Variants in BBC3 observed in about 807,000 individuals in gnomAD.
BBC3 encodes the protein bcl-2-binding component 3.
A neutral mutation model predicts 18.2 loss-of-function variants in BBC3; 5 were observed. That is an observed-to-expected ratio of 0.27 (90% CI 0.14 to 0.58). The LOEUF is 0.58. BBC3 is among the 20% of genes least tolerant of loss of function. BBC3 has a pLI of 0.91. For missense variants in BBC3, 224 were observed against 268.9 expected, an observed-to-expected ratio of 0.83 and a Z score of 1.17; for synonymous variants, 119 against 128.0, an observed-to-expected ratio of 0.93 and a Z score of 0.47.
upstream of BBC3, among the ~76,000 whole-genome samples, chr19:47,232,229 T>C (rs1034233064): frequency 6.6e-6 from 1 of 152,212 alleles, no homozygotes; most frequent in Non-Finnish European, 1.5e-5. Flanking sequence ...CGCATGCCTG[T>C]AATCCCAGCT....
chr19:47,228,533 G>A lies in BBC3; in HGVS notation c.-15-87C>T, dbSNP rs1257509949. ...GCCTACCCGGGGTTAGGACCCAGAT[G>A]GAGAAGAGTGGAGGTGTGTGTGCAT... On this transcript the variant is annotated intron_variant, in intron 1 of 3. Coordinates refer to ENST00000439096, the MANE Select transcript of BBC3 (RefSeq NM_014417.5). This position sits in a 1 kb window ranked among gnomAD's most constrained non-coding sequence, Gnocchi z 5.5. The A allele has an allele frequency of 5.2e-6, 6 of 1,153,588 alleles. No homozygotes were observed. Among genetic ancestry groups the A allele is most frequent in the Non-Finnish European group, 6.5e-6 (6 of 918,808 alleles). The allele number at this position is 1,153,588 out of a possible 1,614,324, so 71.5% of individuals were successfully genotyped here.
chr19:47,229,608 CAT>C (rs1439759455), intron 1 of BBC3, among the ~76,000 whole-genome samples: 1 of 151,680 alleles, frequency 6.6e-6, no homozygotes, highest in African/African-American at 2.4e-5. Flanking sequence ...ACATGACACA[CAT>C]GAGCCAGCCG....
At position 47,228,441 on chromosome 19, in the gene BBC3, TG is replaced by T; in HGVS notation, c.-11del. The T allele has an allele frequency of 8.1e-7, 1 of 1,231,610 alleles. No homozygotes were observed. The highest frequency in any genetic ancestry group is 1.0e-6 in the Non-Finnish European group (1 of 987,616). The allele number at this position is 1,231,610 out of a possible 1,614,324, so 76.3% of individuals were successfully genotyped here. On this transcript the variant is annotated 5_prime_UTR_variant, in exon 2 of 4. Coordinates refer to ENST00000439096, the MANE Select transcript of BBC3 (RefSeq NM_014417.5). The surrounding 1 kb of genome is among the most constrained non-coding windows in gnomAD (Gnocchi z 5.5). ...GGCGTGCGCGGGCCATGGCGCTCCCTGGGGCCTGCGGGACACGGGAGGAGGA... is the reference window on the plus strand; with the variant it reads ...GGCGTGCGCGGGCCATGGCGCTCCCTGGGCCTGCGGGACACGGGAGGAGGA...
intron 2 of BBC3, chr19:47,227,324 C>T (rs112701711): frequency 2.9e-5 from 4 of 135,980 alleles, no homozygotes; most frequent in Non-Finnish European, 4.9e-5. Flanking sequence ...CCCCCCCCCC[C>T]CCCACTTCTG....
In BBC3 at chr19:47,230,769, G is replaced by A. The variant is rs1484015630; in HGVS notation, c.-16+160C>T. ...CCAACGCCGAGCCGCCTCTCACCCGGCGACCCTGGCCCAGGGTCCCTCGCG... is the reference window on the plus strand; with the variant it reads ...CCAACGCCGAGCCGCCTCTCACCCGACGACCCTGGCCCAGGGTCCCTCGCG... On this transcript the variant is annotated intron_variant, in intron 1 of 3. Coordinates refer to ENST00000439096, the MANE Select transcript of BBC3 (RefSeq NM_014417.5). The surrounding 1 kb of genome is among the most constrained non-coding windows in gnomAD (Gnocchi z 6.7). 3 of 985,112 alleles carry A rather than the reference G, an allele frequency of 3.0e-6. No individual in the cohort carries two copies. The highest frequency in any genetic ancestry group is 1.1e-4 in the East Asian group (1 of 8,786). 61.0% of individuals were successfully genotyped at this position (985,112 alleles called of 1,614,324 possible).
Position 47,221,789 on chromosome 19 carries a change from C to T in BBC3, c.*13G>A, listed in dbSNP as rs755414185. On this transcript the variant is annotated 3_prime_UTR_variant, in exon 4 of 4. Transcript: ENST00000439096. ...CCCCGAGTCCCTGACGTCCACCGGG[C>T]GGGTGCAGGCACCTAATTGGGCTCC... 1.9e-5 allele frequency: 31 copies of T among 1,609,470 alleles called. No individual in the cohort carries two copies. Among genetic ancestry groups the T allele is most frequent in the Middle Eastern group, 1.7e-4 (1 of 5,994 alleles).
chr19:47,231,084 G>A lies in BBC3; in HGVS notation c.-171C>T, dbSNP rs960968281. Reference sequence around the variant, plus strand: ...CTGCAGTGGCGGCTGCTGTGGCTGTGGCTGCTGCTGCTCCCCGGGCCGCAG... The same window carrying A: ...CTGCAGTGGCGGCTGCTGTGGCTGTAGCTGCTGCTGCTCCCCGGGCCGCAG... On this transcript the variant is annotated 5_prime_UTR_variant, in exon 1 of 4. Transcript: ENST00000439096. This position sits in a 1 kb window ranked among gnomAD's most constrained non-coding sequence, Gnocchi z 4.0. 8.3e-6 allele frequency: 8 copies of A among 966,756 alleles called. No individual in the cohort carries two copies. In the Admixed American group the frequency reaches 2.5e-4, roughly 30 times the overall value. 59.9% of individuals were successfully genotyped at this position (966,756 alleles called of 1,614,324 possible). A position where few individuals can be genotyped will look rare whatever the true frequency, so the allele number is the denominator to read the frequency against.
rs2058863974 is a variant in BBC3, at chr19:47,228,300, C to T, written c.132G>A (p.Leu44=). 11 of 1,221,940 alleles carry T rather than the reference C, an allele frequency of 9.0e-6. No individual in the cohort carries two copies. The highest frequency in any genetic ancestry group is 1.0e-5 in the Non-Finnish European group (10 of 981,836). 75.7% of individuals were successfully genotyped at this position (1,221,940 alleles called of 1,614,324 possible). Residue 44 remains leucine (L), a synonymous_variant, in exon 2 of 4, where the codon CTG becomes CTA. Transcript: ENST00000439096. This position sits in a 1 kb window ranked among gnomAD's most constrained non-coding sequence, Gnocchi z 5.5. ...AVSCGLCEPG[L]AAAPAAPTLL... ...GGGTGGGGGCGGCGGGGGCGGCAGCCAGGCCGGGCTCGCAGAGGCCGCAGG... is the reference window on the plus strand; with the variant it reads ...GGGTGGGGGCGGCGGGGGCGGCAGCTAGGCCGGGCTCGCAGAGGCCGCAGG...
chr19:47,221,957 T>C, intron 3 of BBC3, 39 bp from the exon 4 acceptor site: 1 of 1,540,330 alleles, frequency 6.5e-7, no homozygotes, highest in Non-Finnish European at 8.8e-7. Context: ...AGCAGGGGAC[T>C]GAGTATGGTG....
rs2058831898 is a variant in BBC3, at chr19:47,226,826, C to T, written c.275-72G>A. 3.9e-6 allele frequency: 5 copies of T among 1,269,556 alleles called. No individual in the cohort carries two copies. The South Asian group carries it at 7.2e-5, about 18-fold the overall frequency. The allele number at this position is 1,269,556 out of a possible 1,614,324, so 78.6% of individuals were successfully genotyped here. A position where few individuals can be genotyped will look rare whatever the true frequency, so the allele number is the denominator to read the frequency against. On this transcript the variant is annotated intron_variant, in intron 2 of 3. Coordinates refer to ENST00000439096, the MANE Select transcript of BBC3 (RefSeq NM_014417.5). ...CCTCGAGGTGTCTCGGCCTGCTCCC[C>T]TCTTTCCCAGCCACTGCTCCCCGCC... is the stretch of plus-strand genomic sequence containing the variant.
chr19:47,222,020 C>T, intron 3 of BBC3, 102 bp from the exon 4 acceptor site: 1 of 1,094,810 alleles, frequency 9.1e-7, no homozygotes, highest in Non-Finnish European at 1.3e-6. Flanking sequence ...GTCTCGCCCA[C>T]CCTATTCCAG....
In BBC3 at chr19:47,230,226, C is replaced by A. The variant is rs770452978; in HGVS notation, c.-16+703G>T. 6.6e-6 allele frequency among the ~76,000 whole-genome samples: 1 copy of A among 152,040 alleles called. No homozygotes were observed. The highest frequency in any genetic ancestry group is 2.4e-5 in the African/African-American group (1 of 41,388). On this transcript the variant is annotated intron_variant, in intron 1 of 3. Transcript: ENST00000439096. This position sits in a 1 kb window ranked among gnomAD's most constrained non-coding sequence, Gnocchi z 6.7. ...AGGCGCGGGGACTCACGCAGACACC[C>A]CGACGGGTCAGAAACCCCAACATTC...
Position 47,223,491 on chromosome 19 carries a change from C to T in BBC3, c.466-1573G>A, listed in dbSNP as rs143771333. ...CCAAGGCAGGAGAATCGCTTGAACC[C>T]GGGAGGCGGAGGTTGCAGTGAGCCG... On this transcript the variant is annotated intron_variant, in intron 3 of 3. Transcript: ENST00000439096. Among the ~76,000 whole-genome samples, 88 of 151,912 alleles carry T rather than the reference C, an allele frequency of 5.8e-4. 1 individual carries two copies. Among genetic ancestry groups the T allele is most frequent in the African/African-American group, 1.7e-3 (69 of 41,390 alleles).
chr19:47,221,836 C>G lies in BBC3; in HGVS notation c.548G>C (p.Arg183Thr), dbSNP rs1462246723. 1 of 1,613,756 alleles carries G rather than the reference C, an allele frequency of 6.2e-7. No individual in the cohort carries two copies. Among genetic ancestry groups the G allele is most frequent in the Non-Finnish European group, 8.5e-7 (1 of 1,179,890 alleles). The change falls in exon 4 of 4, where the codon AGG becomes ACG. Residue 183 changes from arginine (R) to threonine (T), a missense_variant. Transcript: ENST00000439096. ...CTCCATCTCGGGGGCTCTGTGGCCC[C>G]TGGGTAAGGGCAGGAGTCCCATGAT... is the stretch of plus-strand genomic sequence containing the variant. ...NLIMGLLPLP[R>T]GHRAPEMEPN is the part of the protein sequence containing the mutation.
At chr19:47,224,748 T>TG in intron 3 of BBC3, among the ~76,000 whole-genome samples, 1 of 149,834 alleles carries the variant, frequency 6.7e-6, no homozygotes, top group African/African-American at 2.5e-5. Context: ...TTTTTTTTTT[T>TG]GAGACAGAGT....
At chr19:47,229,912 CAA>C (rs1448230546) in intron 1 of BBC3, among the ~76,000 whole-genome samples, 2 of 152,086 alleles carry the variant, frequency 1.3e-5, no homozygotes, top group East Asian at 3.8e-4. Flanking sequence ...AAACGCTGGG[CAA>C]AAGACACATG....
In BBC3 at chr19:47,225,484, G is replaced by A. The variant is rs186670507; in HGVS notation, c.465+1080C>T. Among the ~76,000 whole-genome samples, 723 of 151,780 alleles carry A rather than the reference G, an allele frequency of 4.8e-3. 4 individuals carry two copies. Among genetic ancestry groups the A allele is most frequent in the African/African-American group, 0.016 (660 of 41,356 alleles). ...GGACCCTTTCACCTCAGCCTCCCAA[G>A]TAGCTGAGACTACAGGCCCGCGCCA... On this transcript the variant is annotated intron_variant, in intron 3 of 3. Coordinates refer to ENST00000439096, the MANE Select transcript of BBC3 (RefSeq NM_014417.5).
chr19:47,225,207 G>A (rs1229508174), intron 3 of BBC3, among the ~76,000 whole-genome samples: 1 of 151,930 alleles, frequency 6.6e-6, no homozygotes, highest in African/African-American at 2.4e-5. Flanking sequence ...CACCACGCCC[G>A]GCCTTAATTT....
intron 3 of BBC3, among the ~76,000 whole-genome samples, chr19:47,222,809 T>C (rs2058766643): frequency 1.3e-5 from 2 of 150,274 alleles, no homozygotes; most frequent in South Asian, 4.2e-4. Context: ...CTACTAAAAA[T>C]ACAAAATTAG....
Sources: gnomAD v4.1 joint callset for allele counts (sites outside exome capture counted in the v4.1 genomes callset) on GRCh38, gnomAD v4.1.1 for gene constraint, Gnocchi (gnomAD v3.1) non-coding constraint, MANE v1.5 for transcripts, NCBI Gene and HGNC (gene_info 2026-07-23, HGNC 2026-07-21) for gene names.